Variants in DOCK3 observed in about 807,000 individuals in gnomAD.
The protein encoded by DOCK3 is dedicator of cytokinesis protein 3.
In DOCK3, 60 loss-of-function variants were observed where a neutral mutation model predicts 265.6. That is an observed-to-expected ratio of 0.23 (90% CI 0.18 to 0.28). The LOEUF (loss-of-function observed/expected upper bound fraction) is 0.28, where lower values mean the gene tolerates loss of function less well. Ranked by LOEUF, DOCK3 falls within the 10% of genes least tolerant of loss-of-function variation. The pLI is 1.00. For synonymous variants in DOCK3, 881 were observed against 938.0 expected, an observed-to-expected ratio of 0.94 and a Z score of 1.11; for missense variants, 1,981 against 2,594.3, an observed-to-expected ratio of 0.76 and a Z score of 5.14.
chr3:50,702,589 G>A (rs779561635), intron 1 of DOCK3, among the ~76,000 whole-genome samples: 109 of 152,080 alleles, frequency 7.2e-4, no homozygotes, highest in Middle Eastern at 6.8e-3. Flanking sequence ...GGCTGGTCTC[G>A]ATCTCCTGAC....
intron 32 of DOCK3, among the ~76,000 whole-genome samples, chr3:51,327,250 A>G (rs1412260036): frequency 6.6e-6 from 1 of 152,192 alleles, no homozygotes; most frequent in Non-Finnish European, 1.5e-5. Flanking sequence ...TGGTAGGCTC[A>G]TAGAGATGAA....
At chr3:51,343,425 G>T (rs1051412690) in intron 38 of DOCK3, among the ~76,000 whole-genome samples, 4 of 152,192 alleles carry the variant, frequency 2.6e-5, no homozygotes, top group African/African-American at 7.2e-5. Flanking sequence ...TGGGATCAAG[G>T]CTCATCTATC....
intron 22 of DOCK3, among the ~76,000 whole-genome samples, chr3:51,255,272 C>G (rs1290645613): frequency 6.6e-6 from 1 of 152,144 alleles, no homozygotes; most frequent in African/African-American, 2.4e-5. Flanking sequence ...GTAGGTAACC[C>G]AGTCTTTCTC....
intron 4 of DOCK3, among the ~76,000 whole-genome samples, chr3:50,896,652 T>C (rs1361832982): frequency 1.3e-5 from 2 of 152,162 alleles, no homozygotes; most frequent in Non-Finnish European, 2.9e-5. Flanking sequence ...CCATCTTGAG[T>C]TAATATTTGT....
At chr3:50,959,570 A>AT (rs200770744) in intron 5 of DOCK3, among the ~76,000 whole-genome samples, 6 of 149,046 alleles carry the variant, frequency 4.0e-5, no homozygotes, top group African/African-American at 4.9e-5. Context: ...ATATATATAT[A>AT]AAATTTATTT....
At chr3:51,163,596 G>A (rs1223950214) in intron 12 of DOCK3, among the ~76,000 whole-genome samples, 4 of 152,114 alleles carry the variant, frequency 2.6e-5, no homozygotes, top group Non-Finnish European at 5.9e-5. Flanking sequence ...GAACCCAAAA[G>A]GAGAGGAGTG....
chr3:50,924,724 TGTG>T (rs2050672890), intron 4 of DOCK3, among the ~76,000 whole-genome samples: 1 of 152,210 alleles, frequency 6.6e-6, no homozygotes, highest in Non-Finnish European at 1.5e-5. Flanking sequence ...ATTCAGCAGT[TGTG>T]GTGTCAGATC....
At chr3:51,102,902 A>C (rs1010306717) in intron 9 of DOCK3, among the ~76,000 whole-genome samples, 3 of 152,234 alleles carry the variant, frequency 2.0e-5, no homozygotes, top group Admixed American at 2.0e-4. Context: ...GTTTCTGAGA[A>C]GGAATGCTCC....
intron 14 of DOCK3, among the ~76,000 whole-genome samples, chr3:51,220,028 A>G (rs1272466489): frequency 2.0e-5 from 3 of 152,190 alleles, no homozygotes; most frequent in African/African-American, 7.2e-5. Context: ...ACATGGTAAG[A>G]AGAAGAAAGA....
chr3:50,953,690 T>C (rs1423960398), intron 5 of DOCK3, among the ~76,000 whole-genome samples: 2 of 152,182 alleles, frequency 1.3e-5, no homozygotes, highest in Non-Finnish European at 2.9e-5. Context: ...AACGTTCGTC[T>C]GACTATTGTC....
chr3:51,162,935 C>G (rs1354806506), intron 12 of DOCK3, among the ~76,000 whole-genome samples: 2 of 151,804 alleles, frequency 1.3e-5, no homozygotes, highest in Non-Finnish European at 2.9e-5. Context: ...AATAATTTTT[C>G]CACTTGAAAA....
intron 4 of DOCK3, 119 bp downstream of exon 4, chr3:50,890,200 T>A: frequency 1.4e-6 from 1 of 695,682 alleles, no homozygotes; most frequent in Non-Finnish European, 2.2e-6. Flanking sequence ...GGCAAAAATG[T>A]ACATGCTTTA....
intron 5 of DOCK3, among the ~76,000 whole-genome samples, chr3:51,041,286 T>C (rs2080521566): frequency 7.2e-6 from 1 of 139,222 alleles, no homozygotes; most frequent in African/African-American, 2.6e-5. Context: ...GGTGCGATCT[T>C]GGCTCACTGC....
At chr3:51,198,815 G>A (rs183565656) in intron 12 of DOCK3, among the ~76,000 whole-genome samples, 133 of 152,218 alleles carry the variant, frequency 8.7e-4, no homozygotes, top group African/African-American at 3.1e-3. Context: ...GGATCACTTG[G>A]GTCAGGGGTT....
intron 5 of DOCK3, among the ~76,000 whole-genome samples, chr3:51,036,071 T>G (rs781600169): frequency 5.9e-5 from 9 of 152,158 alleles, no homozygotes; most frequent in African/African-American, 9.7e-5. Context: ...TCTAAAAAAA[T>G]TTTTTAAACA....
At chr3:51,260,406 A>T (rs915647812) in intron 23 of DOCK3, 80 bp downstream of exon 23, 3 of 1,447,012 alleles carry the variant, frequency 2.1e-6, no homozygotes, top group South Asian at 1.4e-5. Flanking sequence ...GTTTTCAGAG[A>T]TGAAGAAGCC....
intron 38 of DOCK3, among the ~76,000 whole-genome samples, chr3:51,346,338 G>A (rs1295867327): frequency 6.8e-6 from 1 of 147,632 alleles, no homozygotes; most frequent in African/African-American, 2.5e-5. Flanking sequence ...CCCACCCTGT[G>A]TCCAAGTGTT....
At chr3:51,336,811 TG>T (rs1453509586) in intron 35 of DOCK3, 1 of 452,688 alleles carries the variant, frequency 2.2e-6, no homozygotes, top group Non-Finnish European at 4.4e-6. Flanking sequence ...GTTCTGGTTA[TG>T]GCCAAATAGA....
chr3:50,699,453 ATTTT>A (rs33947661), intron 1 of DOCK3, among the ~76,000 whole-genome samples: 21 of 122,770 alleles, frequency 1.7e-4, no homozygotes, highest in Admixed American at 2.5e-4. Context: ...GTTGTTGGGC[ATTTT>A]TTTTTTTTTT....
Sources: gnomAD v4.1 joint callset for allele counts (sites outside exome capture counted in the v4.1 genomes callset) on GRCh38, gnomAD v4.1.1 for gene constraint, MANE v1.5 for transcripts, NCBI Gene and HGNC (gene_info 2026-07-23, HGNC 2026-07-21) for gene names.